Variants in NRXN3 observed in about 807,000 individuals in gnomAD.
NRXN3 encodes the protein neurexin III.
NRXN3 carries 32 observed loss-of-function variants against 137.6 expected under a neutral mutation model. That is an observed-to-expected ratio of 0.23 (90% confidence interval 0.18 to 0.31). The LOEUF (loss-of-function observed/expected upper bound fraction) is 0.31, where lower values mean the gene tolerates loss of function less well. Among genes scored for constraint, NRXN3 ranks in the 10% least tolerant of loss-of-function variants. NRXN3 has a pLI of 1.00. For missense variants in NRXN3, 1,574 were observed against 2,062.5 expected, an observed-to-expected ratio of 0.76 and a Z score of 4.59; for synonymous variants, 798 against 784.5, an observed-to-expected ratio of 1.02 and a Z score of -0.29.
intron 4 of NRXN3, among the ~76,000 whole-genome samples, chr14:78,352,851 G>A (rs994351867): frequency 2.6e-5 from 4 of 152,204 alleles, no homozygotes; most frequent in Non-Finnish European, 2.9e-5. Context: ...AGGCACAGAA[G>A]TCAGGCTTCA....
At chr14:78,708,709 C>T (rs558720385) in intron 6 of NRXN3, among the ~76,000 whole-genome samples, 133 of 152,326 alleles carry the variant, frequency 8.7e-4, no homozygotes, top group Non-Finnish European at 1.5e-3. Context: ...AATGCACCCT[C>T]TATCCTGTTC....
At chr14:78,953,186 G>T (rs2099390321) in intron 10 of NRXN3, among the ~76,000 whole-genome samples, 2 of 152,136 alleles carry the variant, frequency 1.3e-5, no homozygotes, top group Non-Finnish European at 2.9e-5. Context: ...CTCAAATATA[G>T]ATTTTTAACA....
intron 16 of NRXN3, among the ~76,000 whole-genome samples, chr14:79,541,983 A>C (rs1393175463): frequency 6.6e-6 from 1 of 152,236 alleles, no homozygotes; most frequent in Admixed American, 6.5e-5. Context: ...TCTTGATTAA[A>C]TCTTCTCTGT....
At chr14:79,406,630 C>T (rs2095319552) in intron 15 of NRXN3, among the ~76,000 whole-genome samples, 1 of 151,828 alleles carries the variant, frequency 6.6e-6, no homozygotes, top group African/African-American at 2.4e-5. Flanking sequence ...AAGATAAGAC[C>T]TAAAGAGGAT....
intron 1 of NRXN3, among the ~76,000 whole-genome samples, chr14:78,231,800 G>A (rs1435461970): frequency 6.6e-6 from 1 of 152,224 alleles, no homozygotes; most frequent in Non-Finnish European, 1.5e-5. Context: ...ATAGCGCGTT[G>A]CCCAGAGCAA....
At chr14:79,644,499 T>C (rs2098445428) in intron 16 of NRXN3, among the ~76,000 whole-genome samples, 1 of 135,626 alleles carries the variant, frequency 7.4e-6, no homozygotes, top group Non-Finnish European at 1.7e-5. Context: ...GGCTTTCCCA[T>C]TTGTAAAACT....
intron 15 of NRXN3, among the ~76,000 whole-genome samples, chr14:79,097,989 C>A (rs2050646265): frequency 6.6e-6 from 1 of 152,226 alleles, no homozygotes; most frequent in South Asian, 2.1e-4. Flanking sequence ...GGAAGGGATA[C>A]CCCAACAAAG....
At chr14:79,351,853 G>A (rs1050376632) in intron 15 of NRXN3, among the ~76,000 whole-genome samples, 4 of 152,278 alleles carry the variant, frequency 2.6e-5, no homozygotes, top group African/African-American at 9.6e-5. Context: ...CTCACTAAAA[G>A]CTGGGCAGTA....
chr14:78,225,978 T>TGG (rs1567013262), intron 1 of NRXN3, among the ~76,000 whole-genome samples: 3 of 123,864 alleles, frequency 2.4e-5, no homozygotes, highest in South Asian at 2.6e-4. Flanking sequence ...TGTGTTGGTG[T>TGG]GTGTGTGTGT....
intron 4 of NRXN3, among the ~76,000 whole-genome samples, chr14:78,438,196 G>A (rs77596208): frequency 0.024 from 3,720 of 152,256 alleles, 127 homozygotes; most frequent in African/African-American, 0.081. Context: ...ACCTGAGTGG[G>A]TAATGATATT....
chr14:78,267,696 G>A (rs937843515), intron 2 of NRXN3, among the ~76,000 whole-genome samples: 1 of 152,154 alleles, frequency 6.6e-6, no homozygotes, highest in African/African-American at 2.4e-5. Flanking sequence ...CCACTCAGTT[G>A]TTGCTGTCCA....
chr14:79,264,069 G>A (rs1249864221), intron 15 of NRXN3, among the ~76,000 whole-genome samples: 3 of 152,090 alleles, frequency 2.0e-5, no homozygotes, highest in Non-Finnish European at 2.9e-5. Flanking sequence ...TTAAACAACA[G>A]AAATGTATTT....
At chr14:78,271,067 T>C (rs1262660216) in intron 2 of NRXN3, among the ~76,000 whole-genome samples, 1 of 152,230 alleles carries the variant, frequency 6.6e-6, no homozygotes, top group African/African-American at 2.4e-5. Flanking sequence ...ATCCTCCTCC[T>C]ACACTTTACA....
chr14:79,007,799 C>A (rs1238377257), intron 15 of NRXN3, among the ~76,000 whole-genome samples: 1 of 126,224 alleles, frequency 7.9e-6, no homozygotes, highest in Admixed American at 7.9e-5. Context: ...GAGCTAGACT[C>A]CATCTCAAAA....
chr14:78,984,619 G>GT (rs1302862077), intron 14 of NRXN3, among the ~76,000 whole-genome samples: 2 of 152,184 alleles, frequency 1.3e-5, no homozygotes, highest in Admixed American at 1.3e-4. Flanking sequence ...TAAGGCAGTG[G>GT]TCCAGGAATA....
chr14:79,806,658 A>C (rs2099206537), intron 20 of NRXN3, among the ~76,000 whole-genome samples: 1 of 151,444 alleles, frequency 6.6e-6, no homozygotes, highest in Admixed American at 6.6e-5. Flanking sequence ...TCATTCAATA[A>C]ATATTTTTGA....
intron 10 of NRXN3, among the ~76,000 whole-genome samples, chr14:78,858,706 A>G (rs1053376973): frequency 3.3e-5 from 5 of 152,172 alleles, no homozygotes; most frequent in Non-Finnish European, 5.9e-5. Context: ...CAGTGGACTC[A>G]GGTTTCCGGA....
intron 6 of NRXN3, among the ~76,000 whole-genome samples, chr14:78,696,952 G>A (rs1435505859): frequency 6.6e-6 from 1 of 152,054 alleles, no homozygotes; most frequent in Non-Finnish European, 1.5e-5. Flanking sequence ...ATTAACCCAA[G>A]TTCTGCAAAG....
At chr14:78,460,380 C>G (rs977661773) in intron 4 of NRXN3, among the ~76,000 whole-genome samples, 5 of 152,230 alleles carry the variant, frequency 3.3e-5, no homozygotes, top group Non-Finnish European at 2.9e-5. Context: ...GCTGAAAGTT[C>G]CAAACCTCTA....
Sources: gnomAD v4.1 joint callset for allele counts (sites outside exome capture counted in the v4.1 genomes callset) on GRCh38, gnomAD v4.1.1 for gene constraint, MANE v1.5 for transcripts, NCBI Gene and HGNC (gene_info 2026-07-23, HGNC 2026-07-21) for gene names.